Variants in ADGRA3 observed in about 807,000 individuals in gnomAD.
ADGRA3 encodes G-protein coupled receptor 125.
ADGRA3 carries 56 observed loss-of-function variants against 119.8 expected under a neutral mutation model. That is an observed-to-expected ratio of 0.47 (90% confidence interval 0.38 to 0.58). ADGRA3 has a LOEUF of 0.58. Among genes scored for constraint, ADGRA3 ranks in the 20% least tolerant of loss-of-function variants. ADGRA3 has a pLI of 0.00. For synonymous variants in ADGRA3, 607 were observed against 623.8 expected (o/e 0.97, Z 0.40); for missense variants, 1,516 against 1,649.0 (o/e 0.92, Z 1.40).
At chr4:22,423,673 C>T (rs1387764442) in intron 11 of ADGRA3, among the ~76,000 whole-genome samples, 2 of 152,124 alleles carry the variant, frequency 1.3e-5, no homozygotes, top group Non-Finnish European at 2.9e-5. Flanking sequence ...ATGCCAATAG[C>T]TTCACAAGTG....
intron 11 of ADGRA3, among the ~76,000 whole-genome samples, 167 bp downstream of exon 11, chr4:22,424,024 A>G (rs1715824730): frequency 6.6e-6 from 1 of 152,234 alleles, no homozygotes; most frequent in Admixed American, 6.5e-5. Flanking sequence ...ATTCTGTAAT[A>G]ACTTATAAAA....
Position 22,388,420 on chromosome 4 carries a change from C to T in ADGRA3, c.3251G>A (p.Gly1084Glu), listed in dbSNP as rs138696398. Residue 1084 changes from glycine (G) to glutamate (E), a missense_variant, in exon 19 of 19, where the codon GGA (glycine) becomes GAA (glutamate). Transcript: ENST00000334304. ...GCTATTGGGGCATTTGGGTGCCTCT[C>T]CATTCGTCCCATTAGAGTTGGGGGG... ...VQPPNSNGTN[G>E]EAPKCPNSSA... 1.9e-4 allele frequency: 299 copies of T among 1,614,056 alleles called. No homozygotes were observed. In the African/African-American group the frequency reaches 3.4e-3, roughly 18 times the overall value.
intron 10 of ADGRA3, among the ~76,000 whole-genome samples, chr4:22,428,935 G>A (rs1327865168): frequency 6.6e-6 from 1 of 152,154 alleles, no homozygotes; most frequent in Non-Finnish European, 1.5e-5. Context: ...TGATGAGGAT[G>A]AGGGTAACAG....
At chr4:22,406,791 T>G (rs1577328186) in intron 14 of ADGRA3, among the ~76,000 whole-genome samples, 1 of 152,066 alleles carries the variant, frequency 6.6e-6, no homozygotes, top group Non-Finnish European at 1.5e-5. Context: ...GGCCAGATAG[T>G]AAACATTGTA....
At chr4:22,514,395 G>A (rs1719565571) in intron 1 of ADGRA3, 1 of 152,094 alleles carries the variant, frequency 6.6e-6, no homozygotes, top group South Asian at 2.1e-4. Flanking sequence ...ATGGTTAAAC[G>A]TTTCCTAATT....
chr4:22,497,408 A>T (rs750542704), intron 1 of ADGRA3, among the ~76,000 whole-genome samples: 11 of 152,134 alleles, frequency 7.2e-5, no homozygotes, highest in Non-Finnish European at 1.5e-4. Context: ...TTCACCTGGT[A>T]CTCAGAAATT....
intron 6 of ADGRA3, among the ~76,000 whole-genome samples, chr4:22,444,355 G>A (rs1264364001): frequency 2.6e-5 from 4 of 151,866 alleles, no homozygotes; most frequent in Admixed American, 6.6e-5. Flanking sequence ...GCACGATCTC[G>A]GCTCACTGAA....
At chr4:22,470,320 T>TAAAAA (rs35417919) in intron 2 of ADGRA3, among the ~76,000 whole-genome samples, 1 of 141,304 alleles carries the variant, frequency 7.1e-6, no homozygotes, top group South Asian at 2.3e-4. Context: ...GCTCCTAAAT[T>TAAAAA]AAAAAAAAAA....
intron 4 of ADGRA3, among the ~76,000 whole-genome samples, chr4:22,450,223 G>C (rs1716984326): frequency 6.6e-6 from 1 of 151,494 alleles, no homozygotes; most frequent in Non-Finnish European, 1.5e-5. Flanking sequence ...CTCATAGAAT[G>C]GAGCAGCAGG....
At chr4:22,475,604 A>G (rs1718012434) in intron 1 of ADGRA3, among the ~76,000 whole-genome samples, 1 of 152,088 alleles carries the variant, frequency 6.6e-6, no homozygotes, top group African/African-American at 2.4e-5. Context: ...GTGGGCACCT[A>G]TATTCCCAGC....
At chr4:22,461,488 C>T (rs1046777463) in intron 3 of ADGRA3, among the ~76,000 whole-genome samples, 14 of 152,088 alleles carry the variant, frequency 9.2e-5, no homozygotes, top group South Asian at 2.1e-4. Context: ...TTAGTAGAGA[C>T]GGGGTTTCAC....
intron 1 of ADGRA3, among the ~76,000 whole-genome samples, chr4:22,495,102 G>A (rs553021809): frequency 6.6e-6 from 1 of 152,034 alleles, no homozygotes; most frequent in African/African-American, 2.4e-5. Context: ...ATATCCTATT[G>A]TACTCTCTTC....
intron 17 of ADGRA3, 145 bp downstream of exon 17, chr4:22,392,400 C>T: frequency 1.2e-6 from 1 of 850,906 alleles, no homozygotes; most frequent in Non-Finnish European, 1.9e-6. Context: ...GGGAAGGATG[C>T]CTGAGCCATT....
At chr4:22,509,881 G>A (rs1298515038) in intron 1 of ADGRA3, among the ~76,000 whole-genome samples, 2 of 151,730 alleles carry the variant, frequency 1.3e-5, no homozygotes, top group African/African-American at 4.8e-5. Flanking sequence ...GTGGTAGCGG[G>A]CGCCTGTAGT....
rs1208258136 is a variant in ADGRA3 at position 22,413,799 on chromosome 4, C to A, written c.1825G>T (p.Ala609Ser). ...SLALKNTIVE[A>S]SIQLPPSLFS... ...AGGGAAGGAGGAAGCTGAATAGAAG[C>A]CTCCACAATAGTATTCTGAAAAAAT... The change falls in exon 13 of 19, where the codon GCT becomes TCT. Residue 609 changes from alanine to serine, a missense_variant. By Grantham distance (99) the Ala-to-Ser change is moderately conservative (BLOSUM62 1). Transcript: ENST00000334304. 2 of 1,611,220 alleles carry A rather than the reference C, an allele frequency of 1.2e-6. No homozygotes were observed. Among genetic ancestry groups the A allele is most frequent in the Non-Finnish European group, 1.7e-6 (2 of 1,178,676 alleles).
At chr4:22,511,681 C>T (rs1719450425) in intron 1 of ADGRA3, among the ~76,000 whole-genome samples, 1 of 152,268 alleles carries the variant, frequency 6.6e-6, no homozygotes, top group Admixed American at 6.5e-5. Flanking sequence ...ACCAGGGAGC[C>T]TGGCCATCCT....
chr4:22,390,154 G>C (rs1473740814), intron 17 of ADGRA3, among the ~76,000 whole-genome samples: 5 of 151,462 alleles, frequency 3.3e-5, no homozygotes, highest in Non-Finnish European at 7.4e-5. Flanking sequence ...ATTCACATCT[G>C]CTTCTTACCT....
intron 2 of ADGRA3, among the ~76,000 whole-genome samples, chr4:22,469,338 T>C (rs569635056): frequency 3.3e-5 from 5 of 152,348 alleles, no homozygotes; most frequent in Admixed American, 6.5e-5. Flanking sequence ...TTAAGTTACA[T>C]GAGGCAGAGA....
chr4:22,468,294 T>C, intron 2 of ADGRA3, among the ~76,000 whole-genome samples: 1 of 152,186 alleles, frequency 6.6e-6, no homozygotes, highest in Middle Eastern at 3.2e-3. Flanking sequence ...TGTCAATAGC[T>C]GGAAGAGATG....
Sources: gnomAD v4.1 joint callset for allele counts (sites outside exome capture counted in the v4.1 genomes callset) on GRCh38, gnomAD v4.1.1 for gene constraint, MANE v1.5 for transcripts, NCBI Gene and HGNC (gene_info 2026-07-23, HGNC 2026-07-21) for gene names.